Variants in PDE4D observed in about 807,000 individuals in gnomAD.
PDE4D encodes the protein 3',5'-cyclic-AMP phosphodiesterase 4D.
In PDE4D, 24 loss-of-function variants were observed where a neutral mutation model predicts 87.4. The ratio of observed to expected loss-of-function variants is 0.27; its 90% CI spans 0.20 to 0.39. PDE4D has a LOEUF of 0.39. Among genes scored for constraint, PDE4D ranks in the 10% least tolerant of loss-of-function variants. The pLI is 1.00. For synonymous variants in PDE4D, 384 were observed against 383.2 expected, an observed-to-expected ratio of 1.00 and a Z score of -0.02; for missense variants, 714 against 1,041.0, an observed-to-expected ratio of 0.69 and a Z score of 4.32.
intron 2 of PDE4D, among the ~76,000 whole-genome samples, chr5:60,183,715 T>G (rs1297019862): frequency 6.6e-6 from 1 of 152,218 alleles, no homozygotes; most frequent in Admixed American, 6.5e-5. Context: ...GAGAACTAAT[T>G]CTTTAAACTT....
chr5:60,260,575 G>T (rs1456592278), intron 1 of PDE4D, among the ~76,000 whole-genome samples: 2 of 152,046 alleles, frequency 1.3e-5, no homozygotes, highest in Non-Finnish European at 2.9e-5. Flanking sequence ...GAAGAGAGAA[G>T]ACCAACCAGT....
chr5:59,555,622 C>A (rs1818775496), intron 1 of PDE4D, among the ~76,000 whole-genome samples: 1 of 152,038 alleles, frequency 6.6e-6, no homozygotes, highest in African/African-American at 2.4e-5. Context: ...TAAGGTCTGC[C>A]CTTCTCCTTA....
At chr5:59,149,959 G>A (rs1779244675) in intron 5 of PDE4D, among the ~76,000 whole-genome samples, 1 of 152,012 alleles carries the variant, frequency 6.6e-6, no homozygotes, top group Admixed American at 6.6e-5. Context: ...CCCAGCCATG[G>A]CTACACAAGA....
chr5:60,164,912 G>A (rs1211191198), intron 2 of PDE4D, among the ~76,000 whole-genome samples: 2 of 152,014 alleles, frequency 1.3e-5, no homozygotes, highest in African/African-American at 2.4e-5. Flanking sequence ...TTTAATACCC[G>A]CTTTCCTAGC....
At chr5:59,403,678 A>G (rs1295863969) in intron 1 of PDE4D, among the ~76,000 whole-genome samples, 1 of 152,176 alleles carries the variant, frequency 6.6e-6, no homozygotes, top group Non-Finnish European at 1.5e-5. Flanking sequence ...CATTGTGTAT[A>G]TGTACCACAT....
intron 1 of PDE4D, among the ~76,000 whole-genome samples, chr5:60,466,732 T>A (rs954853653): frequency 2.6e-5 from 4 of 152,152 alleles, no homozygotes; most frequent in Admixed American, 2.6e-4. Flanking sequence ...GATTGTCTCA[T>A]TTTCAAGATC....
chr5:59,264,430 C>A (rs771104880), intron 1 of PDE4D, among the ~76,000 whole-genome samples: 7 of 151,910 alleles, frequency 4.6e-5, no homozygotes, highest in Non-Finnish European at 7.4e-5. Flanking sequence ...TTCCTATGTA[C>A]GTAAAATGAT....
chr5:60,264,092 GAACTT>G (rs753275649), intron 1 of PDE4D, among the ~76,000 whole-genome samples: 3 of 152,066 alleles, frequency 2.0e-5, no homozygotes, highest in Non-Finnish European at 4.4e-5. Context: ...AACCAGATGT[GAACTT>G]AACTTTTTAA....
At chr5:59,869,505 T>C (rs1299829577) in intron 1 of PDE4D, among the ~76,000 whole-genome samples, 2 of 152,208 alleles carry the variant, frequency 1.3e-5, no homozygotes, top group South Asian at 2.1e-4. Context: ...CTGAATGCCA[T>C]GGTAAGGATT....
At chr5:59,189,664 GA>G (rs1382390711) in intron 3 of PDE4D, among the ~76,000 whole-genome samples, 1 of 152,048 alleles carries the variant, frequency 6.6e-6, no homozygotes, top group Non-Finnish European at 1.5e-5. Context: ...CTCTGGCCAA[GA>G]AAAAAAGGTC....
At chr5:59,010,726 C>T (rs1752616317) in intron 6 of PDE4D, among the ~76,000 whole-genome samples, 2 of 152,162 alleles carry the variant, frequency 1.3e-5, no homozygotes, top group African/African-American at 2.4e-5. Flanking sequence ...CAGTCTACTG[C>T]TCCCAGCATG....
chr5:59,741,518 T>A (rs1758835863), intron 1 of PDE4D, among the ~76,000 whole-genome samples: 1 of 152,328 alleles, frequency 6.6e-6, no homozygotes, highest in South Asian at 2.1e-4. Flanking sequence ...TACAATTTAC[T>A]GAAAAAGAAG....
intron 2 of PDE4D, among the ~76,000 whole-genome samples, chr5:60,039,251 G>A (rs904892349): frequency 6.6e-6 from 1 of 152,090 alleles, no homozygotes; most frequent in East Asian, 1.9e-4. Context: ...GCAATACTAT[G>A]CAGCCATAAA....
intron 1 of PDE4D, among the ~76,000 whole-genome samples, chr5:59,610,218 TCA>T (rs1828809483): frequency 6.6e-6 from 1 of 152,192 alleles, no homozygotes; most frequent in Admixed American, 6.6e-5. Flanking sequence ...CCCCAGAGTC[TCA>T]GAGATGCTAA....
chr5:59,766,588 G>C (rs955972449), intron 1 of PDE4D, among the ~76,000 whole-genome samples: 1 of 152,144 alleles, frequency 6.6e-6, no homozygotes, highest in Non-Finnish European at 1.5e-5. Context: ...TTCAGCAATG[G>C]GTGCAATTTA....
rs1751321033 is a variant in PDE4D, at chr5:59,893,691, T to A, written c.-69A>T. ...CGCGCTGGCCCGAGCGCCTTCCTGA[T>A]GCTGCTGCTGCTGCTGCCGCCGCCG... On this transcript the variant is annotated 5_prime_UTR_variant, in exon 1 of 15. Coordinates refer to ENST00000340635, the MANE Select transcript of PDE4D (RefSeq NM_001104631.2). 2 of 1,358,376 alleles carry A rather than the reference T, an allele frequency of 1.5e-6. No individual in the cohort carries two copies. Among genetic ancestry groups the A allele is most frequent in the African/African-American group, 3.1e-5 (2 of 64,344 alleles). 84.1% of individuals were successfully genotyped at this position (1,358,376 alleles called of 1,614,324 possible). A position where few individuals can be genotyped will look rare whatever the true frequency, so the allele number is the denominator to read the frequency against.
intron 3 of PDE4D, among the ~76,000 whole-genome samples, chr5:59,909,784 A>G (rs2152769073): frequency 6.6e-6 from 1 of 152,238 alleles, no homozygotes; most frequent in South Asian, 2.1e-4. Context: ...CTGGTTAGTC[A>G]TTCCAACATG....
At chr5:59,417,857 G>A (rs188333897) in intron 1 of PDE4D, among the ~76,000 whole-genome samples, 9 of 152,230 alleles carry the variant, frequency 5.9e-5, no homozygotes, top group Admixed American at 6.5e-5. Context: ...AACATTCGCC[G>A]CTATCTACTT....
rs547347323 is a variant in PDE4D, at chr5:59,621,560, C to A, written c.455+271608G>T. Among the ~76,000 whole-genome samples, 4 of 152,318 alleles carry A rather than the reference C, an allele frequency of 2.6e-5. No homozygotes were observed. In the South Asian group the frequency reaches 8.3e-4, roughly 32 times the overall value. ...GATTGGGTATTCCCTAGCATAGTGGCTAATTCCTAGTAGTTTCTCACTGAT... is the reference window on the plus strand; with the variant it reads ...GATTGGGTATTCCCTAGCATAGTGGATAATTCCTAGTAGTTTCTCACTGAT... On this transcript the variant is annotated intron_variant, in intron 1 of 14. Transcript: ENST00000340635.
Sources: allele counts gnomAD v4.1 joint callset (sites outside exome capture counted in the v4.1 genomes callset), GRCh38; gene constraint gnomAD v4.1.1; transcripts MANE v1.5; gene names NCBI Gene and HGNC (gene_info 2026-07-23, HGNC 2026-07-21).